VAT1L: variants seen among roughly 807,000 people sequenced by gnomAD.
VAT1L encodes putative NADPH-dependent quinone oxidoreductase VAT1L.
Under a neutral mutation model 44.1 loss-of-function variants are expected in VAT1L, and 34 were observed. The ratio of observed to expected loss-of-function variants is 0.77; its 90% CI spans 0.59 to 1.03. VAT1L has a LOEUF of 1.03. Ranked by LOEUF, VAT1L falls within the 50% of genes least tolerant of loss-of-function variation. VAT1L has a pLI of 0.00. For synonymous variants in VAT1L, 253 were observed against 202.2 expected (o/e 1.25, Z -2.13); for missense variants, 615 against 538.8 (o/e 1.14, Z -1.40).
intron 2 of VAT1L, among the ~76,000 whole-genome samples, chr16:77,824,742 C>T (rs371332159): frequency 3.9e-5 from 5 of 127,746 alleles, no homozygotes; most frequent in African/African-American, 9.0e-5. Context: ...GGTGACAGAG[C>T]GAGACTCCAT....
intron 7 of VAT1L, among the ~76,000 whole-genome samples, chr16:77,964,077 C>G: frequency 6.6e-6 from 1 of 152,060 alleles, no homozygotes; most frequent in East Asian, 1.9e-4. Flanking sequence ...CTCTGGCCTC[C>G]TCTTAGAGAA....
intron 3 of VAT1L, among the ~76,000 whole-genome samples, chr16:77,844,664 G>A (rs574936572): frequency 2.0e-5 from 3 of 152,136 alleles, no homozygotes; most frequent in East Asian, 1.9e-4. Flanking sequence ...CCGTCTTAGC[G>A]TCTGAAAGTG....
intron 7 of VAT1L, among the ~76,000 whole-genome samples, chr16:77,943,467 A>G (rs1333636599): frequency 1.7e-5 from 2 of 116,106 alleles, no homozygotes; most frequent in Admixed American, 9.7e-5. Context: ...CGGCACCATC[A>G]CGGCTCACTG....
intron 7 of VAT1L, among the ~76,000 whole-genome samples, chr16:77,958,588 TC>T (rs2018128819): frequency 6.6e-6 from 1 of 152,072 alleles, no homozygotes; most frequent in Non-Finnish European, 1.5e-5. Flanking sequence ...GATTTTTTTT[TC>T]CCTCTGCTTT....
Position 77,909,438 on chromosome 16 carries a change from A to G in VAT1L, c.1077+24636A>G, listed in dbSNP as rs111625276. On this transcript the variant is annotated intron_variant, in intron 7 of 8. Coordinates refer to ENST00000302536, the MANE Select transcript of VAT1L (RefSeq NM_020927.3). ...GATACCTTGAGGTCAGGAGTTCGAG[A>G]CCAGCCTGGCCAACATGGTGAAACC... Among the ~76,000 whole-genome samples the G allele has an allele frequency of 6.4e-3, 977 of 152,014 alleles. 8 individuals carry two copies. Among genetic ancestry groups the G allele is most frequent in the African/African-American group, 0.022 (925 of 41,438 alleles).
intron 4 of VAT1L, among the ~76,000 whole-genome samples, chr16:77,866,459 AG>A (rs1330492932): frequency 1.3e-5 from 2 of 152,196 alleles, no homozygotes; most frequent in African/African-American, 4.8e-5. Context: ...CTGTGATCAC[AG>A]CTTTGTACAA....
intron 7 of VAT1L, among the ~76,000 whole-genome samples, chr16:77,962,599 T>C (rs1337637989): frequency 6.6e-6 from 1 of 151,670 alleles, no homozygotes; most frequent in African/African-American, 2.4e-5. Context: ...AGGAAAGAAA[T>C]AGGCCGGGAG....
intron 3 of VAT1L, among the ~76,000 whole-genome samples, chr16:77,850,758 T>C (rs2016801029): frequency 6.6e-6 from 1 of 152,010 alleles, no homozygotes; most frequent in Non-Finnish European, 1.5e-5. Context: ...CATCCCACCA[T>C]GCAAATACAG....
At chr16:77,833,138 T>C (rs1346968055) in intron 3 of VAT1L, among the ~76,000 whole-genome samples, 5 of 152,224 alleles carry the variant, frequency 3.3e-5, no homozygotes, top group Non-Finnish European at 7.3e-5. Context: ...TCAGCACATA[T>C]GCAGTGAGGG....
At chr16:77,865,604 G>T (rs1348418581) in intron 4 of VAT1L, among the ~76,000 whole-genome samples, 2 of 152,184 alleles carry the variant, frequency 1.3e-5, no homozygotes, top group Non-Finnish European at 1.5e-5. Flanking sequence ...GAAATGCAAG[G>T]TGCTATCGAA....
At chr16:77,814,848 T>C (rs570557717) in intron 1 of VAT1L, among the ~76,000 whole-genome samples, 7 of 152,264 alleles carry the variant, frequency 4.6e-5, no homozygotes, top group Admixed American at 4.6e-4. Flanking sequence ...ACCCTTTTTT[T>C]ACGAGTGCCT....
At chr16:77,871,886 T>C (rs1241160753) in intron 4 of VAT1L, among the ~76,000 whole-genome samples, 1 of 152,074 alleles carries the variant, frequency 6.6e-6, no homozygotes, top group Non-Finnish European at 1.5e-5. Context: ...ACCCTGAAGG[T>C]TGAGTTGGAG....
chr16:77,965,097 AT>A (rs79543353), intron 7 of VAT1L, among the ~76,000 whole-genome samples: 34,886 of 151,224 alleles, frequency 0.23, 4,489 homozygotes, highest in South Asian at 0.31. Context: ...CCTGTAGCAC[AT>A]TTTTTTTTAT....
chr16:77,801,932 G>A (rs753778211), intron 1 of VAT1L, among the ~76,000 whole-genome samples: 3 of 152,176 alleles, frequency 2.0e-5, no homozygotes, highest in East Asian at 3.9e-4. Context: ...CTGACTCAAC[G>A]TTTTGCAGCC....
intron 1 of VAT1L, among the ~76,000 whole-genome samples, chr16:77,807,775 T>C (rs1414537647): frequency 6.6e-6 from 1 of 152,116 alleles, no homozygotes; most frequent in African/African-American, 2.4e-5. Context: ...CAACACCCCG[T>C]AAGGTGGTTG....
intron 7 of VAT1L, among the ~76,000 whole-genome samples, chr16:77,916,911 T>C (rs1456422318): frequency 6.6e-6 from 1 of 152,010 alleles, no homozygotes; most frequent in Non-Finnish European, 1.5e-5. Context: ...GCACTCATGG[T>C]AATATTAGTC....
intron 7 of VAT1L, among the ~76,000 whole-genome samples, chr16:77,939,860 A>T (rs2142510640): frequency 6.6e-6 from 1 of 152,340 alleles, no homozygotes; most frequent in South Asian, 2.1e-4. Flanking sequence ...TAGCACTAAA[A>T]TAGCTCATTA....
chr16:77,862,911 A>C (rs1196811670), intron 4 of VAT1L, 21 bp downstream of exon 4: 2 of 1,612,848 alleles, frequency 1.2e-6, no homozygotes, highest in Admixed American at 1.7e-5. Context: ...TGCTTTTGAA[A>C]AAGCACCAGG....
chr16:77,884,546 T>C lies in VAT1L; in HGVS notation c.883-62T>C. 1 of 1,539,010 alleles carries C rather than the reference T, an allele frequency of 6.5e-7. No homozygotes were observed. Among genetic ancestry groups the C allele is most frequent in the Non-Finnish European group, 8.8e-7 (1 of 1,136,172 alleles). ...TAGTAGCTGATGACATCAGCAATGC[T>C]GCCAATGTAGGCTTAACCCCGGTAT... On this transcript the variant is annotated intron_variant, in intron 6 of 8. Transcript: ENST00000302536. The surrounding 1 kb of genome is among the most constrained non-coding windows in gnomAD (Gnocchi z 4.5).
Sources: allele counts gnomAD v4.1 joint callset (sites outside exome capture counted in the v4.1 genomes callset), GRCh38; gene constraint gnomAD v4.1.1; non-coding constraint Gnocchi (gnomAD v3.1); transcripts MANE v1.5; gene names NCBI Gene and HGNC (gene_info 2026-07-23, HGNC 2026-07-21).